IL1RAP: variants seen among roughly 807,000 people sequenced by gnomAD.
The protein encoded by IL1RAP is interleukin 1 receptor accessory protein, also known as interleukin-1 receptor accessory protein.
IL1RAP carries 35 observed loss-of-function variants against 60.7 expected under a neutral mutation model. The observed-to-expected ratio is 0.58, with a 90% CI of 0.44 to 0.76. The LOEUF is 0.76. IL1RAP is among the 30% of genes least tolerant of loss of function. The probability of loss-of-function intolerance (pLI) is 0.00; values close to 1 mark genes in which losing one functional copy is unlikely to be tolerated. For missense variants in IL1RAP, 572 were observed against 693.9 expected (o/e 0.82, Z 1.97); for synonymous variants, 268 against 250.9 (o/e 1.07, Z -0.64).
At chr3:190,584,062 A>C (rs1232210080) in intron 3 of IL1RAP, among the ~76,000 whole-genome samples, 1 of 152,146 alleles carries the variant, frequency 6.6e-6, no homozygotes, top group Admixed American at 6.5e-5. Context: ...CCCCACACCC[A>C]GTCACTAGCA....
At chr3:190,525,190 G>A (rs964800246) in intron 1 of IL1RAP, among the ~76,000 whole-genome samples, 5 of 152,040 alleles carry the variant, frequency 3.3e-5, no homozygotes, top group African/African-American at 7.2e-5. Context: ...AGAAATAGAA[G>A]TGATTTCAGG....
At chr3:190,639,023 T>C (rs943875435) in intron 9 of IL1RAP, among the ~76,000 whole-genome samples, 22 of 152,200 alleles carry the variant, frequency 1.4e-4, no homozygotes, top group African/African-American at 5.3e-4. Context: ...GTATTTGTTA[T>C]GTTTTTCTTT....
intron 9 of IL1RAP, among the ~76,000 whole-genome samples, chr3:190,635,514 TTAAC>T (rs747559132): frequency 6.6e-6 from 1 of 152,222 alleles, no homozygotes; most frequent in Non-Finnish European, 1.5e-5. Context: ...TAGGATTAGT[TTAAC>T]TAAATCCAAC....
At position 190,645,829 on chromosome 3, in the gene IL1RAP, T is replaced by C. The variant is rs1260842325; in HGVS notation, c.1332T>C (p.Ser444=). 6.2e-7 allele frequency: 1 copy of C among 1,613,312 alleles called. No homozygotes were observed. The highest frequency in any genetic ancestry group is 8.5e-7 in the Non-Finnish European group (1 of 1,179,544). Residue 444 remains serine, a synonymous_variant, in exon 11 of 12, where the codon AGT becomes AGC. Transcript: ENST00000447382. The part of the protein sequence containing the change: ...GYKLCIFDRD[S]LPGGIVTDET... Reference sequence around the variant, plus strand: ...AGCTGTGCATCTTTGACCGAGACAGTCTGCCTGGGGGAAGTAGGTATTTCA... The same window carrying C: ...AGCTGTGCATCTTTGACCGAGACAGCCTGCCTGGGGGAAGTAGGTATTTCA...
chr3:190,531,698 C>A (rs1380888243), intron 1 of IL1RAP, among the ~76,000 whole-genome samples: 1 of 152,206 alleles, frequency 6.6e-6, no homozygotes, highest in East Asian at 1.9e-4. Context: ...ACTTCAACAG[C>A]CAGCAGCAAG....
At chr3:190,540,867 T>A (rs983015282) in intron 1 of IL1RAP, among the ~76,000 whole-genome samples, 1 of 152,154 alleles carries the variant, frequency 6.6e-6, no homozygotes, top group African/African-American at 2.4e-5. Flanking sequence ...CTCACTCTTT[T>A]ATGAAGCCAA....
At chr3:190,617,275 T>C (rs1450307563) in intron 5 of IL1RAP, among the ~76,000 whole-genome samples, 4 of 152,248 alleles carry the variant, frequency 2.6e-5, no homozygotes, top group Admixed American at 6.5e-5. Context: ...CACAGTTCTT[T>C]ACACATTGTT....
chr3:190,559,698 T>G (rs1471699808), intron 2 of IL1RAP, among the ~76,000 whole-genome samples: 4 of 152,370 alleles, frequency 2.6e-5, no homozygotes, highest in Admixed American at 2.0e-4. Context: ...CCTATTATCT[T>G]TCTGTTATTG....
chr3:190,651,674 C>T (rs1366078602), downstream of IL1RAP, among the ~76,000 whole-genome samples: 1 of 152,070 alleles, frequency 6.6e-6, no homozygotes, highest in East Asian at 1.9e-4. Context: ...ATGGGAACTT[C>T]TTATCAAGAA....
At chr3:190,528,274 T>C (rs73886465) in intron 1 of IL1RAP, among the ~76,000 whole-genome samples, 7,883 of 152,276 alleles carry the variant, frequency 0.052, 405 homozygotes, top group African/African-American at 0.13. Context: ...TCATTGCTTT[T>C]GGCATGTCTG....
chr3:190,572,110 C>T (rs1454197637), intron 3 of IL1RAP, among the ~76,000 whole-genome samples: 1 of 152,092 alleles, frequency 6.6e-6, no homozygotes, highest in African/African-American at 2.4e-5. Context: ...GATGCAAAAA[C>T]CTACTAGCTT....
chr3:190,578,209 A>C (rs1384360185), intron 3 of IL1RAP, among the ~76,000 whole-genome samples: 1 of 152,230 alleles, frequency 6.6e-6, no homozygotes, highest in Non-Finnish European at 1.5e-5. Flanking sequence ...TTCAAAAATG[A>C]AATTACTTAT....
chr3:190,593,742 C>T lies in IL1RAP; in HGVS notation c.65-10386C>T, dbSNP rs561210058. ...GATTCAATTACCTCCCACCATGTCC[C>T]TCCCACGACATTTGGGAATTATGGG... On this transcript the variant is annotated intron_variant, in intron 3 of 11. Coordinates refer to ENST00000447382, the MANE Select transcript of IL1RAP (RefSeq NM_002182.4). 3.2e-4 allele frequency among the ~76,000 whole-genome samples: 49 copies of T among 152,210 alleles called. No individual in the cohort carries two copies. In the South Asian group the frequency reaches 0.01, roughly 32 times the overall value.
chr3:190,555,038 G>A (rs938246230), intron 1 of IL1RAP, among the ~76,000 whole-genome samples: 5 of 152,130 alleles, frequency 3.3e-5, no homozygotes, highest in Admixed American at 6.5e-5. Context: ...AGACAGGATC[G>A]TGATCTTCAG....
At chr3:190,613,583 A>G (rs1731007028) in intron 5 of IL1RAP, among the ~76,000 whole-genome samples, 1 of 152,192 alleles carries the variant, frequency 6.6e-6, no homozygotes, top group Non-Finnish European at 1.5e-5. Context: ...CAGCTGTAAA[A>G]CAATTACCAT....
At chr3:190,593,457 G>A (rs567290691) in intron 3 of IL1RAP, among the ~76,000 whole-genome samples, 14 of 152,252 alleles carry the variant, frequency 9.2e-5, no homozygotes, top group African/African-American at 3.4e-4. Flanking sequence ...TTAATATTGT[G>A]TTAGTTTTCT....
At chr3:190,531,319 T>C (rs943626480) in intron 1 of IL1RAP, among the ~76,000 whole-genome samples, 8 of 152,164 alleles carry the variant, frequency 5.3e-5, no homozygotes, top group African/African-American at 1.9e-4. Flanking sequence ...TAAAGATCTC[T>C]TTCCACCCAA....
At position 190,600,783 on chromosome 3, in the gene IL1RAP, A is replaced by G. The variant is rs116479727; in HGVS notation, c.65-3345A>G. Among the ~76,000 whole-genome samples the G allele has an allele frequency of 8.3e-3, 1,258 of 152,266 alleles. 16 individuals are homozygous for G. Among genetic ancestry groups the G allele is most frequent in the African/African-American group, 0.028 (1,164 of 41,536 alleles). ...GGGTGAACAGCACTAATGACTCTTT[A>G]TCTTGATGCTGATAATTCCTGGGTC... On this transcript the variant is annotated intron_variant, in intron 3 of 11. Transcript: ENST00000447382.
rs148337844 is a variant in IL1RAP at position 190,515,567 on chromosome 3, T to C, written c.-89+1348T>C. Among the ~76,000 whole-genome samples, 185 of 152,236 alleles carry C rather than the reference T, an allele frequency of 1.2e-3. 1 individual carries two copies. The highest frequency in any genetic ancestry group is 4.2e-3 in the African/African-American group (176 of 41,536). On this transcript the variant is annotated intron_variant, in intron 1 of 11. Transcript: ENST00000447382. Reference sequence around the variant, plus strand: ...GTCCATATGTGATGTGGATCATGGATGCTTAGCTCGAAATGTAAAATTGAT... The same window carrying C: ...GTCCATATGTGATGTGGATCATGGACGCTTAGCTCGAAATGTAAAATTGAT...
Sources: allele counts gnomAD v4.1 joint callset (sites outside exome capture counted in the v4.1 genomes callset), GRCh38; gene constraint gnomAD v4.1.1; transcripts MANE v1.5; gene names NCBI Gene and HGNC (gene_info 2026-07-23, HGNC 2026-07-21).